Variants in LUZP2 observed in about 807,000 individuals in gnomAD.
The protein encoded by LUZP2 is leucine zipper protein 2.
Under a neutral mutation model 51.6 loss-of-function variants are expected in LUZP2, and 52 were observed. The ratio of observed to expected loss-of-function variants is 1.01; its 90% CI spans 0.81 to 1.27. LUZP2 has a LOEUF of 1.27. Ranked by LOEUF, LUZP2 falls within the 50% of genes most tolerant of loss-of-function variation. The pLI is 0.00. For synonymous variants in LUZP2, 154 were observed against 137.3 expected (o/e 1.12, Z -0.85); for missense variants, 436 against 395.4 (o/e 1.10, Z -0.87).
chr11:24,514,185 C>A (rs972196457), intron 1 of LUZP2, among the ~76,000 whole-genome samples: 2 of 152,128 alleles, frequency 1.3e-5, no homozygotes, highest in Non-Finnish European at 2.9e-5. Context: ...AAATCCTCCA[C>A]TGAATGCAGA....
chr11:25,033,563 C>A (rs75437463), intron 9 of LUZP2, among the ~76,000 whole-genome samples: 2,596 of 152,196 alleles, frequency 0.017, 39 homozygotes, highest in South Asian at 0.086. Context: ...TTTTTGAACA[C>A]AACCTTCTCA....
chr11:24,526,029 C>T (rs1415758454), intron 1 of LUZP2, among the ~76,000 whole-genome samples: 2 of 151,298 alleles, frequency 1.3e-5, no homozygotes, highest in Non-Finnish European at 3.0e-5. Context: ...TTACCAAATA[C>T]TGAGGTACTT....
chr11:24,807,947 C>T (rs1001819772), intron 5 of LUZP2, among the ~76,000 whole-genome samples: 1 of 152,108 alleles, frequency 6.6e-6, no homozygotes, highest in Admixed American at 6.6e-5. Context: ...AAAAGCGTCA[C>T]TATCAAATAG....
At chr11:24,893,708 C>T (rs936154643) in intron 5 of LUZP2, among the ~76,000 whole-genome samples, 1 of 151,740 alleles carries the variant, frequency 6.6e-6, no homozygotes, top group Non-Finnish European at 1.5e-5. Flanking sequence ...AAAGGCCTGG[C>T]ATATACTTTT....
At chr11:25,040,979 C>T (rs998100029) in intron 9 of LUZP2, among the ~76,000 whole-genome samples, 2 of 152,088 alleles carry the variant, frequency 1.3e-5, no homozygotes, top group Non-Finnish European at 2.9e-5. Context: ...TAGCTCTTGA[C>T]TGCCCTCATT....
chr11:25,061,902 G>A (rs1368748276), intron 10 of LUZP2, among the ~76,000 whole-genome samples: 12 of 151,990 alleles, frequency 7.9e-5, no homozygotes, highest in Admixed American at 7.9e-4. Flanking sequence ...AATTGATATG[G>A]AATGAAGACC....
intron 7 of LUZP2, among the ~76,000 whole-genome samples, chr11:24,914,818 T>C (rs1853745103): frequency 6.6e-6 from 1 of 152,170 alleles, no homozygotes; most frequent in Admixed American, 6.5e-5. Flanking sequence ...GCTGCAGATA[T>C]TAAGCTGAGA....
chr11:24,546,500 A>G (rs1226401160), intron 1 of LUZP2, among the ~76,000 whole-genome samples: 2 of 152,078 alleles, frequency 1.3e-5, no homozygotes, highest in Non-Finnish European at 2.9e-5. Context: ...AATTTTATCA[A>G]AAGCTTTTTT....
At chr11:24,715,569 C>T (rs943858741) in intron 1 of LUZP2, among the ~76,000 whole-genome samples, 1 of 152,116 alleles carries the variant, frequency 6.6e-6, no homozygotes, top group Non-Finnish European at 1.5e-5. Context: ...ATATTGTCAC[C>T]TGTGCTTAGA....
intron 7 of LUZP2, among the ~76,000 whole-genome samples, chr11:24,953,093 AT>A (rs1277947795): frequency 1.3e-5 from 2 of 151,998 alleles, no homozygotes; most frequent in Non-Finnish European, 2.9e-5. Flanking sequence ...ATTAAAATAA[AT>A]TTAAGAAAAA....
intron 1 of LUZP2, among the ~76,000 whole-genome samples, chr11:24,702,246 C>A (rs1857441071): frequency 6.6e-6 from 1 of 152,104 alleles, no homozygotes; most frequent in Non-Finnish European, 1.5e-5. Context: ...ACTGGAATAA[C>A]TTTAAAAAAT....
At chr11:24,564,717 AAC>A (rs1852161195) in intron 1 of LUZP2, among the ~76,000 whole-genome samples, 1 of 152,142 alleles carries the variant, frequency 6.6e-6, no homozygotes, top group Non-Finnish European at 1.5e-5. Context: ...CAAGCAGATC[AAC>A]AATTATATTT....
At chr11:24,687,960 G>A (rs4923204) in intron 1 of LUZP2, among the ~76,000 whole-genome samples, 9 of 151,878 alleles carry the variant, frequency 5.9e-5, no homozygotes, top group Admixed American at 2.0e-4. Flanking sequence ...GACAAGTTTC[G>A]GCTTGGAGCC....
intron 7 of LUZP2, among the ~76,000 whole-genome samples, chr11:24,964,157 C>T (rs1855511754): frequency 6.6e-6 from 1 of 152,120 alleles, no homozygotes; most frequent in Admixed American, 6.6e-5. Flanking sequence ...TCACCACATT[C>T]CTGCCAATGT....
intron 7 of LUZP2, among the ~76,000 whole-genome samples, chr11:24,956,355 G>A (rs1184726062): frequency 1.3e-5 from 2 of 152,030 alleles, no homozygotes; most frequent in Non-Finnish European, 2.9e-5. Flanking sequence ...CCTTGACTTT[G>A]GCCCAGTAAG....
At position 24,914,957 on chromosome 11, in the gene LUZP2, G is replaced by C. The variant is rs575953689; in HGVS notation, c.522+419G>C. On this transcript the variant is annotated intron_variant, in intron 7 of 11. Coordinates refer to ENST00000336930, the MANE Select transcript of LUZP2 (RefSeq NM_001009909.4). ...GTAATATTCAGTGTTTTACTTGTAT[G>C]TAATATGCCAGTTGAATATAGATTA... Among the ~76,000 whole-genome samples the C allele has an allele frequency of 3.3e-5, 5 of 152,230 alleles. No homozygotes were observed. In the East Asian group the frequency reaches 7.7e-4, roughly 24 times the overall value.
chr11:25,066,943 T>C (rs1220810464), intron 10 of LUZP2, among the ~76,000 whole-genome samples: 1 of 151,966 alleles, frequency 6.6e-6, no homozygotes, highest in Non-Finnish European at 1.5e-5. Flanking sequence ...CTCAAAATCC[T>C]CTGAGTTGAG....
intron 4 of LUZP2, among the ~76,000 whole-genome samples, chr11:24,758,628 G>A (rs1859861855): frequency 6.6e-6 from 1 of 151,952 alleles, no homozygotes; most frequent in Admixed American, 6.6e-5. Context: ...GATAAGTAAG[G>A]GAGATTAAGA....
chr11:24,841,293 C>G (rs1201568782), intron 5 of LUZP2, among the ~76,000 whole-genome samples: 2 of 152,036 alleles, frequency 1.3e-5, no homozygotes. Flanking sequence ...TGGCTGCCTA[C>G]AAGCAAAAAG....
Sources: gnomAD v4.1 joint callset for allele counts (sites outside exome capture counted in the v4.1 genomes callset) on GRCh38, gnomAD v4.1.1 for gene constraint, MANE v1.5 for transcripts, NCBI Gene and HGNC (gene_info 2026-07-23, HGNC 2026-07-21) for gene names.